GATA4: variants seen among roughly 807,000 people sequenced by gnomAD.
GATA4 encodes the protein transcription factor GATA-4.
GATA4 carries 7 observed loss-of-function variants against 37.9 expected under a neutral mutation model. The observed-to-expected ratio is 0.18, with a 90% CI of 0.11 to 0.35. The LOEUF is 0.35. GATA4 is among the 10% of genes least tolerant of loss of function. The pLI is 1.00. For synonymous variants in GATA4, 372 were observed against 292.6 expected, an observed-to-expected ratio of 1.27 and a Z score of -2.77; for missense variants, 647 against 653.0, an observed-to-expected ratio of 0.99 and a Z score of 0.10.
chr8:11,747,231 G>C (rs952639665), intron 2 of GATA4, among the ~76,000 whole-genome samples: 3 of 152,234 alleles, frequency 2.0e-5, no homozygotes, highest in African/African-American at 7.2e-5. Flanking sequence ...TGAAGTCAGA[G>C]AGACTTCTGG....
chr8:11,729,904 C>G (rs1439893699), intron 2 of GATA4, among the ~76,000 whole-genome samples: 1 of 151,530 alleles, frequency 6.6e-6, no homozygotes, highest in African/African-American at 2.4e-5. Context: ...CTGGATATTC[C>G]TACCACTTAC....
At chr8:11,703,648 A>G (rs56306152), upstream of GATA4, among the ~76,000 whole-genome samples, 606 of 152,334 alleles carry the variant, frequency 4.0e-3, 12 homozygotes, top group Non-Finnish European at 2.6e-3. Flanking sequence ...GATTTTGGGA[A>G]GGCAAAAGGG....
intron 1 of GATA4, 43 bp downstream of exon 1, chr8:11,704,347 C>G (rs909027109): frequency 6.6e-6 from 1 of 152,260 alleles, no homozygotes; most frequent in African/African-American, 2.4e-5. Context: ...TCCCGCGGTC[C>G]CCCAAACTCG....
chr8:11,727,902 G>A (rs1801013097), intron 2 of GATA4, among the ~76,000 whole-genome samples: 1 of 152,108 alleles, frequency 6.6e-6, no homozygotes, highest in African/African-American at 2.4e-5. Context: ...AAATTGGAAT[G>A]GAAACTACTC....
intron 1 of GATA4, chr8:11,681,447 A>C: frequency 1.0e-6 from 1 of 979,956 alleles, no homozygotes; most frequent in Non-Finnish European, 1.2e-6. Context: ...CCCCGCGCAG[A>C]CGCCGGAATC....
At chr8:11,722,881 A>G (rs1057118294) in intron 2 of GATA4, among the ~76,000 whole-genome samples, 5 of 152,172 alleles carry the variant, frequency 3.3e-5, no homozygotes, top group African/African-American at 1.2e-4. Flanking sequence ...CAACAAGCAC[A>G]TTTTTAGCTT....
intron 2 of GATA4, among the ~76,000 whole-genome samples, chr8:11,723,490 T>G (rs960095904): frequency 1.8e-4 from 27 of 152,250 alleles, no homozygotes; most frequent in African/African-American, 5.8e-4. Flanking sequence ...TTTAATAGTT[T>G]CTTGCTTTCC....
intron 4 of GATA4, among the ~76,000 whole-genome samples, chr8:11,753,637 G>C (rs963341307): frequency 1.3e-5 from 2 of 152,068 alleles, no homozygotes; most frequent in African/African-American, 2.4e-5. Context: ...GGGAAATAGG[G>C]GTCTGGGTGT....
At chr8:11,692,156 C>G (rs1799334647), upstream of GATA4, 1 of 484,882 alleles carries the variant, frequency 2.1e-6, no homozygotes, top group Non-Finnish European at 2.7e-6. Flanking sequence ...AGGTAACAGC[C>G]CAGCAGCCTC....
intron 2 of GATA4, among the ~76,000 whole-genome samples, chr8:11,734,329 A>C (rs1395542164): frequency 6.6e-6 from 1 of 152,174 alleles, no homozygotes; most frequent in African/African-American, 2.4e-5. Context: ...GTGTGGCTTT[A>C]ACAACGCTTA....
upstream of GATA4, among the ~76,000 whole-genome samples, chr8:11,688,724 C>T (rs1326401943): frequency 6.6e-6 from 1 of 152,126 alleles, no homozygotes; most frequent in Non-Finnish European, 1.5e-5. Flanking sequence ...TCAACCTTCT[C>T]CCCAGTGACA....
intron 6 of GATA4, 27 bp from the exon 7 acceptor site, chr8:11,758,266 C>T: frequency 6.2e-7 from 1 of 1,613,588 alleles, no homozygotes; most frequent in Non-Finnish European, 8.5e-7. Flanking sequence ...TCTCCATGGG[C>T]CTCATCGTGT....
chr8:11,756,244 C>G (rs576441676), intron 5 of GATA4, among the ~76,000 whole-genome samples: 3 of 152,130 alleles, frequency 2.0e-5, no homozygotes, highest in East Asian at 3.8e-4. Context: ...AGAACATGAT[C>G]AAAGTTCTGC....
At chr8:11,681,218 G>T (rs1798960401) in intron 1 of GATA4, 3 of 985,298 alleles carry the variant, frequency 3.0e-6, no homozygotes, top group Admixed American at 6.1e-5. Flanking sequence ...TGGAGGCAGA[G>T]ATTTCTCGAC....
At position 11,756,918 on chromosome 8, in the gene GATA4, ACT is replaced by A; in HGVS notation, c.1001-14_1001-13del. Reference sequence around the variant, plus strand: ...CCCTGCCGCTGATTTGGGTGTGCTGACTCTGCTTCATTCCAGCTCCTTCAGGC... The same window carrying A: ...CCCTGCCGCTGATTTGGGTGTGCTGACTGCTTCATTCCAGCTCCTTCAGGC... On this transcript the variant is annotated splice_polypyrimidine_tract_variant and intron_variant, in intron 5 of 6. Transcript: ENST00000532059. 1 of 1,613,976 alleles carries A rather than the reference ACT, an allele frequency of 6.2e-7. No individual in the cohort carries two copies. The highest frequency in any genetic ancestry group is 8.5e-7 in the Non-Finnish European group (1 of 1,179,984).
chr8:11,756,840 C>G, intron 5 of GATA4, 95 bp from the exon 6 acceptor site: 1 of 1,528,592 alleles, frequency 6.5e-7, no homozygotes, highest in East Asian at 2.2e-5. Context: ...TAGATAAAGC[C>G]ATTAGCTTGC....
intron 1 of GATA4, among the ~76,000 whole-genome samples, chr8:11,685,213 C>A (rs1250762876): frequency 6.6e-6 from 1 of 152,132 alleles, no homozygotes; most frequent in Non-Finnish European, 1.5e-5. Flanking sequence ...TATTCAATGA[C>A]ATGGGAAGTC....
chr8:11,691,218 A>G (rs1291660319), upstream of GATA4, among the ~76,000 whole-genome samples: 1 of 152,272 alleles, frequency 6.6e-6, no homozygotes, highest in South Asian at 2.1e-4. Flanking sequence ...TTTATTTTGC[A>G]TATTCAGATG....
chr8:11,682,511 G>A (rs538332553), intron 1 of GATA4, among the ~76,000 whole-genome samples: 1 of 152,326 alleles, frequency 6.6e-6, no homozygotes, highest in Non-Finnish European at 1.5e-5. Flanking sequence ...CTGATAGATA[G>A]TAGATGCTTT....
Sources: allele counts gnomAD v4.1 joint callset (sites outside exome capture counted in the v4.1 genomes callset), GRCh38; gene constraint gnomAD v4.1.1; transcripts MANE v1.5; gene names NCBI Gene and HGNC (gene_info 2026-07-23, HGNC 2026-07-21).